The following AKAP13 variants were observed in gnomAD, a reference collection of about 807,000 sequenced individuals.
AKAP13 encodes A-kinase anchor protein 13.
In AKAP13, 80 loss-of-function variants were observed where a neutral mutation model predicts 264.5. The observed-to-expected ratio is 0.30, with a 90% confidence interval of 0.25 to 0.36. AKAP13 has a LOEUF of 0.36. AKAP13 is among the 10% of genes least tolerant of loss of function. The pLI, the probability that AKAP13 is intolerant of heterozygous loss-of-function variation, is 1.00. For missense variants in AKAP13, 3,712 were observed against 3,435.2 expected, an observed-to-expected ratio of 1.08 and a Z score of -2.01; for synonymous variants, 1,380 against 1,250.2, an observed-to-expected ratio of 1.10 and a Z score of -2.19.
chr15:85,530,767 CCATCCATCCAT>C (rs1234322838), intron 3 of AKAP13, among the ~76,000 whole-genome samples: 2 of 152,204 alleles, frequency 1.3e-5, no homozygotes, highest in East Asian at 3.9e-4. Context: ...ACGTATCACT[CCATCCATCCAT>C]CGTTCATCAT....
intron 8 of AKAP13, among the ~76,000 whole-genome samples, 197 bp from the exon 9 acceptor site, chr15:85,639,177 C>A (rs540026206): frequency 6.6e-6 from 1 of 152,164 alleles, no homozygotes; most frequent in South Asian, 2.1e-4. Context: ...TTTTTATTGA[C>A]AACCTCTAAA....
intron 1 of AKAP13, chr15:85,415,169 A>T: frequency 1.0e-6 from 1 of 976,218 alleles, no homozygotes; most frequent in Non-Finnish European, 1.6e-6. Flanking sequence ...GAGATGTGAC[A>T]GCACGCTGCC....
At chr15:85,695,534 C>T (rs1352348508) in intron 17 of AKAP13, among the ~76,000 whole-genome samples, 1 of 152,230 alleles carries the variant, frequency 6.6e-6, no homozygotes, top group African/African-American at 2.4e-5. Flanking sequence ...CTAATCTGTG[C>T]TACAGTTCCT....
At chr15:85,714,264 T>G (rs1401285891) in intron 19 of AKAP13, among the ~76,000 whole-genome samples, 2 of 152,222 alleles carry the variant, frequency 1.3e-5, no homozygotes, top group African/African-American at 4.8e-5. Flanking sequence ...CATAAAGGTC[T>G]TCATCCTTGT....
At chr15:85,411,549 T>A (rs1235702884) in intron 1 of AKAP13, among the ~76,000 whole-genome samples, 5 of 152,154 alleles carry the variant, frequency 3.3e-5, no homozygotes, top group Admixed American at 3.3e-4. Flanking sequence ...GCCATTCTCC[T>A]GCCTCAGCCT....
intron 3 of AKAP13, among the ~76,000 whole-genome samples, chr15:85,530,754 C>T (rs984657657): frequency 6.6e-6 from 1 of 152,196 alleles, no homozygotes; most frequent in Non-Finnish European, 1.5e-5. Context: ...TCCTGACTGA[C>T]ATACGTATCA....
chr15:85,591,444 A>C (rs1013906153), intron 8 of AKAP13, among the ~76,000 whole-genome samples: 2 of 152,152 alleles, frequency 1.3e-5, no homozygotes, highest in African/African-American at 4.8e-5. Flanking sequence ...GATATACTTT[A>C]AGTCTCATGT....
rs761429811 is a variant in AKAP13 at position 85,418,814 on chromosome 15, A to G, written c.-12+38016A>G. Among the ~76,000 whole-genome samples, 85 of 152,254 alleles carry G rather than the reference A, an allele frequency of 5.6e-4. 1 individual carries two copies. The highest frequency in any genetic ancestry group is 5.0e-3 in the Admixed American group (76 of 15,290). On this transcript the variant is annotated intron_variant, in intron 1 of 36. Transcript: ENST00000394518. ...CATTTAGTCTAGAGATAAGGAATCA[A>G]TCGCATAGTTATCATTAATAATAAA...
chr15:85,604,113 G>T (rs2080211251), intron 8 of AKAP13, among the ~76,000 whole-genome samples: 1 of 152,012 alleles, frequency 6.6e-6, no homozygotes, highest in Non-Finnish European at 1.5e-5. Context: ...TATTGCTTCA[G>T]CGAGCTCTAC....
At chr15:85,411,224 A>G (rs1047884809) in intron 1 of AKAP13, among the ~76,000 whole-genome samples, 1 of 152,260 alleles carries the variant, frequency 6.6e-6, no homozygotes, top group Non-Finnish European at 1.5e-5. Flanking sequence ...CACGGTATTC[A>G]TTACAGTCAT....
intron 8 of AKAP13, chr15:85,619,731 T>A: frequency 9.9e-7 from 1 of 1,014,174 alleles, no homozygotes; most frequent in Non-Finnish European, 1.2e-6. Flanking sequence ...ATTCTTTATT[T>A]TTTTACTGGA....
intron 27 of AKAP13, 199 bp from the exon 28 acceptor site, chr15:85,726,867 T>C (rs1363396398): frequency 8.1e-6 from 5 of 621,078 alleles, no homozygotes; most frequent in Non-Finnish European, 1.4e-5. Flanking sequence ...GAGCCATAAA[T>C]TACTATTTCC....
At chr15:85,701,110 A>G (rs922821310) in intron 17 of AKAP13, 1 of 152,200 alleles carries the variant, frequency 6.6e-6, no homozygotes, top group Non-Finnish European at 1.5e-5. Flanking sequence ...TTTTTCTAGT[A>G]TTTTGGAAAA....
At chr15:85,714,397 T>A (rs2086798411) in intron 19 of AKAP13, among the ~76,000 whole-genome samples, 1 of 152,202 alleles carries the variant, frequency 6.6e-6, no homozygotes, top group Non-Finnish European at 1.5e-5. Flanking sequence ...TTCAAACCCA[T>A]GTTGTTCAGG....
chr15:85,646,614 A>G (rs571161660), intron 10 of AKAP13, among the ~76,000 whole-genome samples: 2 of 152,326 alleles, frequency 1.3e-5, no homozygotes, highest in South Asian at 4.1e-4. Flanking sequence ...CTCAGACTAT[A>G]TGATGTCATA....
chr15:85,448,933 G>T (rs1482587101), intron 1 of AKAP13, among the ~76,000 whole-genome samples: 1 of 141,510 alleles, frequency 7.1e-6, no homozygotes, highest in African/African-American at 2.7e-5. Flanking sequence ...TTCTAGTTCT[G>T]TGAAGAATGT....
rs1301585669 is a variant in AKAP13, at chr15:85,741,630, C to CT, written c.8058+138dup. ...GATGCTCATGCCTGTGATCCCAGCACTTTAGGAGGCTGAGGTGAGAGGGTA... is the reference window on the plus strand; with the variant it reads ...GATGCTCATGCCTGTGATCCCAGCACTTTTAGGAGGCTGAGGTGAGAGGGTA... On this transcript the variant is annotated intron_variant, in intron 35 of 36. Coordinates refer to ENST00000394518, the MANE Select transcript of AKAP13 (RefSeq NM_007200.5). 3.7e-6 allele frequency: 5 copies of CT among 1,333,658 alleles called. No individual in the cohort carries two copies. In the Admixed American group the frequency reaches 1.7e-4, roughly 46 times the overall value. The allele number at this position is 1,333,658 out of a possible 1,614,324, so 82.6% of individuals were successfully genotyped here.
chr15:85,597,370 A>C (rs781016925), intron 8 of AKAP13, among the ~76,000 whole-genome samples: 38 of 152,124 alleles, frequency 2.5e-4, no homozygotes, highest in South Asian at 4.1e-4. Flanking sequence ...TAAGCTCCTC[A>C]GTGTCACATG....
At position 85,492,618 on chromosome 15, in the gene AKAP13, A is replaced by G. The variant is rs189651669; in HGVS notation, c.33+6865A>G. Among the ~76,000 whole-genome samples the G allele has an allele frequency of 5.9e-5, 9 of 152,378 alleles. No homozygotes were observed. The East Asian group carries it at 1.7e-3, about 29-fold the overall frequency. ...TTCATAACCACAGTATAATTAACAA[A>G]AAACAGGAATTGTAACATTGATGTA... is the stretch of plus-strand genomic sequence containing the variant. On this transcript the variant is annotated intron_variant, in intron 2 of 36. Transcript: ENST00000394518.
Sources: allele counts gnomAD v4.1 joint callset (sites outside exome capture counted in the v4.1 genomes callset), GRCh38; gene constraint gnomAD v4.1.1; transcripts MANE v1.5; gene names NCBI Gene and HGNC (gene_info 2026-07-23, HGNC 2026-07-21).